ABCC4: variants seen among roughly 807,000 people sequenced by gnomAD.
The protein encoded by ABCC4 is ATP-binding cassette sub-family C member 4.
A neutral mutation model predicts 168.5 loss-of-function variants in ABCC4; 102 were observed. That is an observed-to-expected ratio of 0.61 (90% CI 0.52 to 0.71). The LOEUF (loss-of-function observed/expected upper bound fraction) is 0.71, where lower values mean the gene tolerates loss of function less well. Ranked by LOEUF, ABCC4 falls within the 30% of genes least tolerant of loss-of-function variation. The probability of loss-of-function intolerance (pLI) is 0.00; values close to 1 mark genes in which losing one functional copy is unlikely to be tolerated. For missense variants in ABCC4, 1,402 were observed against 1,605.8 expected (o/e 0.87, Z 2.17); for synonymous variants, 617 against 590.7 (o/e 1.04, Z -0.65).
At chr13:95,172,808 T>C (rs770862164) in intron 13 of ABCC4, among the ~76,000 whole-genome samples, 2 of 151,972 alleles carry the variant, frequency 1.3e-5, no homozygotes, top group Non-Finnish European at 2.9e-5. Context: ...GGTGTGCACT[T>C]GTAGTCCCAG....
intron 19 of ABCC4, among the ~76,000 whole-genome samples, chr13:95,120,440 G>A (rs1209657964): frequency 2.0e-5 from 3 of 151,826 alleles, no homozygotes; most frequent in South Asian, 2.1e-4. Flanking sequence ...GGTGGTGGGC[G>A]CCTTTAATCC....
intron 19 of ABCC4, among the ~76,000 whole-genome samples, chr13:95,142,204 A>G (rs925235749): frequency 2.0e-5 from 3 of 152,234 alleles, no homozygotes; most frequent in African/African-American, 7.2e-5. Flanking sequence ...CAACAAGTGG[A>G]TAAAGAAACC....
chr13:95,236,024 G>A (rs547748920), intron 3 of ABCC4, among the ~76,000 whole-genome samples: 1 of 152,116 alleles, frequency 6.6e-6, no homozygotes, highest in Non-Finnish European at 1.5e-5. Flanking sequence ...TGAACAAGAT[G>A]TAGGGAATGC....
At chr13:95,040,176 A>G (rs1033554551) in intron 29 of ABCC4, among the ~76,000 whole-genome samples, 1 of 152,070 alleles carries the variant, frequency 6.6e-6, no homozygotes, top group Non-Finnish European at 1.5e-5. Context: ...GGTCCCAGTG[A>G]CCCACTCAGC....
At chr13:95,283,898 CAA>C (rs148305156) in intron 1 of ABCC4, among the ~76,000 whole-genome samples, 7 of 120,350 alleles carry the variant, frequency 5.8e-5, no homozygotes, top group Non-Finnish European at 6.8e-5. Context: ...AACTCCGTCT[CAA>C]AAAAAAAAAA....
At chr13:95,137,737 G>A (rs2139469812) in intron 19 of ABCC4, among the ~76,000 whole-genome samples, 1 of 152,284 alleles carries the variant, frequency 6.6e-6, no homozygotes, top group South Asian at 2.1e-4. Context: ...GATGTGGACA[G>A]GAAGAGTGCT....
intron 30 of ABCC4, among the ~76,000 whole-genome samples, chr13:95,029,252 AGAAAGAGAGAGAGAGAGAGAGAGAG>A (rs2031749625): frequency 2.0e-4 from 1 of 5,012 alleles, no homozygotes; most frequent in African/African-American, 3.6e-4. Context: ...AGAGAGAGAG[AGAAAGAGAGAGAGAGAGAGAGAGAG>A]AACGCTAATA....
At chr13:95,190,039 T>TA (rs112163009) in intron 9 of ABCC4, among the ~76,000 whole-genome samples, 27,665 of 149,470 alleles carry the variant, frequency 0.19, 2,624 homozygotes, top group East Asian at 0.31. Flanking sequence ...CTGCTAATGT[T>TA]AAAAAAAAAA....
chr13:95,265,312 T>TA (rs2040640450), intron 1 of ABCC4, among the ~76,000 whole-genome samples: 1 of 152,136 alleles, frequency 6.6e-6, no homozygotes, highest in African/African-American at 2.4e-5. Flanking sequence ...TCTTGCAACT[T>TA]TTCTGTCAGG....
intron 25 of ABCC4, among the ~76,000 whole-genome samples, chr13:95,067,051 T>A (rs578059970): frequency 6.6e-6 from 1 of 152,140 alleles, no homozygotes; most frequent in African/African-American, 2.4e-5. Context: ...TGCAGCTACG[T>A]TGGACATGGG....
At chr13:95,286,575 G>C (rs1301360783) in intron 1 of ABCC4, among the ~76,000 whole-genome samples, 4 of 151,950 alleles carry the variant, frequency 2.6e-5, no homozygotes, top group Non-Finnish European at 5.9e-5. Context: ...ACAAACAGGT[G>C]ACTTCTCCAT....
intron 19 of ABCC4, among the ~76,000 whole-genome samples, chr13:95,157,802 G>A (rs1248477692): frequency 2.0e-5 from 3 of 152,162 alleles, no homozygotes; most frequent in Non-Finnish European, 4.4e-5. Context: ...CGGGCGCGGT[G>A]GCTCACGCCT....
chr13:95,184,141 C>T lies in ABCC4; in HGVS notation c.1545+2560G>A, dbSNP rs958308841. ...GGAGTCTGCCTGCCACGCAGAAGCCCGCAGGTGCCTGGGACACTATCCGAG... is the reference window on the plus strand; with the variant it reads ...GGAGTCTGCCTGCCACGCAGAAGCCTGCAGGTGCCTGGGACACTATCCGAG... On this transcript the variant is annotated intron_variant, in intron 11 of 30. Transcript: ENST00000645237. Among the ~76,000 whole-genome samples the T allele has an allele frequency of 1.3e-5, 2 of 152,298 alleles. 1 individual carries two copies. The highest frequency in any genetic ancestry group is 4.1e-4 in the South Asian group (2 of 4,828).
Position 95,094,860 on chromosome 13 carries a change from CA to C in ABCC4, c.2536-11571del, listed in dbSNP as rs1178463758. 5.1e-4 allele frequency among the ~76,000 whole-genome samples: 77 copies of C among 151,914 alleles called. 5 individuals carry two copies. Among genetic ancestry groups the C allele is most frequent in the Admixed American group, 5.0e-3 (76 of 15,256 alleles). On this transcript the variant is annotated intron_variant, in intron 20 of 30. Coordinates refer to ENST00000645237, the MANE Select transcript of ABCC4 (RefSeq NM_005845.5). ...ATCTCATCAGAAAGTGGACTTAGGACATGAAGAGAAAATTCTGGAAAGAAGA... is the reference window on the plus strand; with the variant it reads ...ATCTCATCAGAAAGTGGACTTAGGACTGAAGAGAAAATTCTGGAAAGAAGA...
intron 4 of ABCC4, among the ~76,000 whole-genome samples, chr13:95,211,997 T>G (rs112680657): frequency 0.2 from 29,971 of 151,730 alleles, 3,682 homozygotes; most frequent in South Asian, 0.33. Flanking sequence ...GCCAACATGG[T>G]GAAACCCTGT....
chr13:95,291,245 C>A (rs1197744383), intron 1 of ABCC4, among the ~76,000 whole-genome samples: 1 of 151,886 alleles, frequency 6.6e-6, no homozygotes, highest in African/African-American at 2.4e-5. Context: ...GTCCCAGCTA[C>A]TTGGGGGGCT....
rs568161552 is a variant in ABCC4 at position 95,174,910 on chromosome 13, G to GT, written c.1727+2796dup. Among the ~76,000 whole-genome samples, 25 of 152,136 alleles carry GT rather than the reference G, an allele frequency of 1.6e-4. 1 individual carries two copies. The South Asian group carries it at 4.2e-3, about 25-fold the overall frequency. ...AGAAAGATTCAATGCTGCCATCCACGTTTTTTTTGGTTGTGGAAAAATAGA... is the reference window on the plus strand; with the variant it reads ...AGAAAGATTCAATGCTGCCATCCACGTTTTTTTTTGGTTGTGGAAAAATAGA... On this transcript the variant is annotated intron_variant, in intron 13 of 30. Coordinates refer to ENST00000645237, the MANE Select transcript of ABCC4 (RefSeq NM_005845.5).
intron 20 of ABCC4, among the ~76,000 whole-genome samples, chr13:95,086,659 G>A (rs984700155): frequency 6.6e-6 from 1 of 152,150 alleles, no homozygotes; most frequent in Non-Finnish European, 1.5e-5. Flanking sequence ...TCTTTGTGAA[G>A]CTTGTGCCAA....
chr13:95,193,913 T>G (rs2038337421), intron 9 of ABCC4, among the ~76,000 whole-genome samples: 2 of 152,206 alleles, frequency 1.3e-5, no homozygotes, highest in Admixed American at 6.5e-5. Context: ...CTCATTACCC[T>G]CTGCCTATAA....
Sources: gnomAD v4.1 joint callset for allele counts (sites outside exome capture counted in the v4.1 genomes callset) on GRCh38, gnomAD v4.1.1 for gene constraint, MANE v1.5 for transcripts, NCBI Gene and HGNC (gene_info 2026-07-23, HGNC 2026-07-21) for gene names.